MYBPC2: variants seen among roughly 807,000 people sequenced by gnomAD.
The protein encoded by MYBPC2 is myosin-binding protein C, fast-type.
A neutral mutation model predicts 137.0 loss-of-function variants in MYBPC2; 122 were observed. The observed-to-expected ratio is 0.89, with a 90% CI of 0.77 to 1.03. The LOEUF (loss-of-function observed/expected upper bound fraction) is 1.03, where lower values mean the gene tolerates loss of function less well. Among genes scored for constraint, MYBPC2 ranks in the 50% least tolerant of loss-of-function variants. The pLI, the probability that MYBPC2 is intolerant of heterozygous loss-of-function variation, is 0.00. For synonymous variants in MYBPC2, 626 were observed against 612.3 expected (o/e 1.02, Z -0.33); for missense variants, 1,500 against 1,534.4 (o/e 0.98, Z 0.37).
At position 50,465,440 on chromosome 19, in the gene MYBPC2, G is replaced by C. The variant is rs1024591202; in HGVS notation, c.3416-755G>C. Among the ~76,000 whole-genome samples the C allele has an allele frequency of 1.3e-5, 2 of 152,196 alleles. No homozygotes were observed. Among genetic ancestry groups the C allele is most frequent in the Non-Finnish European group, 2.9e-5 (2 of 68,032 alleles). Reference sequence around the variant, plus strand: ...CCTCAGAGCAGGATGACATCAATGTGGACTTCCAGAGTCCCTCCCGGATGG... The same window carrying C: ...CCTCAGAGCAGGATGACATCAATGTCGACTTCCAGAGTCCCTCCCGGATGG... On this transcript the variant is annotated intron_variant, in intron 27 of 27. Coordinates refer to ENST00000357701, the MANE Select transcript of MYBPC2 (RefSeq NM_004533.4). The surrounding 1 kb of genome is among the most constrained non-coding windows in gnomAD (Gnocchi z 4.5).
chr19:50,434,742 CT>C (rs1219340870), intron 1 of MYBPC2, among the ~76,000 whole-genome samples: 1 of 152,198 alleles, frequency 6.6e-6, no homozygotes, highest in Non-Finnish European at 1.5e-5. Context: ...CCAGCCCCTA[CT>C]GTAGCTGCAG....
intron 19 of MYBPC2, 102 bp from the exon 20 acceptor site, chr19:50,455,408 C>A: frequency 6.4e-7 from 1 of 1,560,310 alleles, no homozygotes; most frequent in Middle Eastern, 1.7e-4. Context: ...TGACCCTACC[C>A]CCTGGCCTTC....
In MYBPC2 at chr19:50,466,318, T is replaced by C; in HGVS notation, c.*113T>C. 1.4e-6 allele frequency: 2 copies of C among 1,445,468 alleles called. No individual in the cohort carries two copies. The highest frequency in any genetic ancestry group is 1.9e-5 in the Admixed American group (1 of 53,866). The allele number at this position is 1,445,468 out of a possible 1,614,324, so 89.5% of individuals were successfully genotyped here. On this transcript the variant is annotated 3_prime_UTR_variant, in exon 28 of 28. Transcript: ENST00000357701. The surrounding 1 kb of genome is among the most constrained non-coding windows in gnomAD (Gnocchi z 4.9). ...TCGCTGAGAACAAAACAGTGTTGTC[T>C]GGACCCTGGAGTGTCTGTCCTTCTT...
chr19:50,441,102 G>A (rs1040600738), intron 8 of MYBPC2, 26 bp downstream of exon 8: 2 of 1,552,924 alleles, frequency 1.3e-6, no homozygotes, highest in Non-Finnish European at 1.7e-6. Flanking sequence ...GGGGGAGCTG[G>A]GCCCTGCACA....
At chr19:50,452,095 G>T in intron 16 of MYBPC2, 92 bp downstream of exon 16, 1 of 1,353,568 alleles carries the variant, frequency 7.4e-7, no homozygotes, top group Non-Finnish European at 1.0e-6. Context: ...TATAAAATGA[G>T]GGTGATGGTT....
At chr19:50,457,358 C>G (rs1468448283) in intron 20 of MYBPC2, among the ~76,000 whole-genome samples, 1 of 152,142 alleles carries the variant, frequency 6.6e-6, no homozygotes, top group East Asian at 1.9e-4. Context: ...CAGCCCATGG[C>G]CATAAACCCA....
In MYBPC2 at chr19:50,455,277, C is replaced by T; in HGVS notation, c.2184C>T (p.Thr728=). 6.2e-7 allele frequency: 1 copy of T among 1,613,688 alleles called. No individual in the cohort carries two copies. Among genetic ancestry groups the T allele is most frequent in the Non-Finnish European group, 8.5e-7 (1 of 1,179,714 alleles). ...GGGTCTCCCAGCCCAGCATGAACACCAAGCCTTTTATGCCTATTGGTAATG... is the reference window on the plus strand; with the variant it reads ...GGGTCTCCCAGCCCAGCATGAACACTAAGCCTTTTATGCCTATTGGTAATG... ...AIGVSQPSMN[T]KPFMPIAPTS... The change falls in exon 19 of 28, where the codon ACC becomes ACT. Residue 728 remains threonine (T), a synonymous_variant. Coordinates refer to ENST00000357701, the MANE Select transcript of MYBPC2 (RefSeq NM_004533.4).
intron 1 of MYBPC2, among the ~76,000 whole-genome samples, chr19:50,434,648 C>T (rs61380712): frequency 0.055 from 8,327 of 152,242 alleles, 739 homozygotes; most frequent in African/African-American, 0.19. Flanking sequence ...AGGAACTCAC[C>T]GCAGGAATCA....
Position 50,435,983 on chromosome 19 carries a change from C to T in MYBPC2, c.197-29C>T. On this transcript the variant is annotated intron_variant, in intron 3 of 27. Transcript: ENST00000357701. The surrounding 1 kb of genome is among the most constrained non-coding windows in gnomAD (Gnocchi z 4.8). ...TTATGTTCCTTCCTGGGCCTCCTCC[C>T]ACTCTACCCTGTCACTCACCCCATG... 1 of 1,562,664 alleles carries T rather than the reference C, an allele frequency of 6.4e-7. No homozygotes were observed. The highest frequency in any genetic ancestry group is 1.2e-5 in the South Asian group (1 of 84,754).
At position 50,443,566 on chromosome 19, in the gene MYBPC2, C is replaced by T; in HGVS notation, c.975C>T (p.Ala325=). 6.2e-7 allele frequency: 1 copy of T among 1,613,082 alleles called. No individual in the cohort carries two copies. ...AGTGCACGCTGGCGGATGACGCTGC[C>T]TATGAAGTAGCTGTCAAGGATGAGA... ...INKCTLADDA[A]YEVAVKDEKC... The change falls in exon 10 of 28, where the codon GCC becomes GCT. Residue 325 remains alanine (A), a synonymous_variant. Coordinates refer to ENST00000357701, the MANE Select transcript of MYBPC2 (RefSeq NM_004533.4).
intron 16 of MYBPC2, among the ~76,000 whole-genome samples, chr19:50,453,741 T>C (rs1224451288): frequency 3.3e-5 from 5 of 151,984 alleles, no homozygotes. Flanking sequence ...GGTTTCACCA[T>C]GTTGGCCAGG....
chr19:50,461,829 G>A (rs1469843277), intron 25 of MYBPC2, 71 bp from the exon 26 acceptor site: 16 of 1,576,396 alleles, frequency 1.0e-5, no homozygotes, highest in African/African-American at 8.1e-5. Flanking sequence ...AGGTGATTGC[G>A]GTTTGTTCCC....
intron 8 of MYBPC2, 54 bp downstream of exon 8, chr19:50,441,130 T>C (rs1259527001): frequency 6.7e-7 from 1 of 1,488,016 alleles, no homozygotes; most frequent in Non-Finnish European, 9.0e-7. Flanking sequence ...CCCCTAGCCT[T>C]GTGGGTGTCT....
At chr19:50,454,394 T>C in intron 18 of MYBPC2, 25 bp downstream of exon 18, 1 of 1,405,810 alleles carries the variant, frequency 7.1e-7, no homozygotes, top group Non-Finnish European at 9.8e-7. Context: ...CCTCATGACC[T>C]CTGACCTTCC....
chr19:50,455,394 T>C, intron 19 of MYBPC2, 98 bp downstream of exon 19: 1 of 1,560,036 alleles, frequency 6.4e-7, no homozygotes, highest in Non-Finnish European at 8.7e-7. Context: ...CCGCCATCAA[T>C]CTCTGACCCT....
At chr19:50,458,558 A>G (rs2039935404) in intron 20 of MYBPC2, 29 bp from the exon 21 acceptor site, 3 of 1,606,204 alleles carry the variant, frequency 1.9e-6, no homozygotes, top group South Asian at 2.2e-5. Context: ...GGAGGGCACG[A>G]GATCCGCCAG....
chr19:50,461,025 A>AC (rs1219678638), intron 24 of MYBPC2, among the ~76,000 whole-genome samples: 1 of 141,726 alleles, frequency 7.1e-6, no homozygotes, highest in Non-Finnish European at 1.5e-5. Context: ...TTTTTTTGAG[A>AC]CAGGGTCTTA....
Position 50,451,224 on chromosome 19 carries a change from G to A in MYBPC2, c.1580-56G>A, listed in dbSNP as rs2039853944. On this transcript the variant is annotated intron_variant, in intron 14 of 27. Transcript: ENST00000357701. Reference sequence around the variant, plus strand: ...ACCTCTTCCTCTGGGCTGTGAAGGTGGGGTGAGGGGCCTGCTGAGTTTAGA... The same window carrying A: ...ACCTCTTCCTCTGGGCTGTGAAGGTAGGGTGAGGGGCCTGCTGAGTTTAGA... 1.9e-5 allele frequency: 31 copies of A among 1,590,802 alleles called. No individual in the cohort carries two copies. The South Asian group carries it at 3.3e-4, about 17-fold the overall frequency.
intron 23 of MYBPC2, 34 bp downstream of exon 23, chr19:50,459,340 G>A (rs755453061): frequency 2.8e-5 from 44 of 1,563,356 alleles, no homozygotes; most frequent in Non-Finnish European, 3.6e-5. Context: ...TGGAGGCCGG[G>A]AGGGGCAGGG....
Sources: gnomAD v4.1 joint callset for allele counts (sites outside exome capture counted in the v4.1 genomes callset) on GRCh38, gnomAD v4.1.1 for gene constraint, Gnocchi (gnomAD v3.1) non-coding constraint, MANE v1.5 for transcripts, NCBI Gene and HGNC (gene_info 2026-07-23, HGNC 2026-07-21) for gene names.